The following DPP9 variants were observed in gnomAD, a reference collection of about 807,000 sequenced individuals.
The protein encoded by DPP9 is dipeptidyl peptidase IV-related protein-2.
DPP9 carries 50 observed loss-of-function variants against 110.7 expected under a neutral mutation model. The ratio of observed to expected loss-of-function variants is 0.45; its 90% CI spans 0.36 to 0.57. DPP9 has a LOEUF of 0.57. Among genes scored for constraint, DPP9 ranks in the 20% least tolerant of loss-of-function variants. The pLI is 0.00. For synonymous variants in DPP9, 561 were observed against 514.4 expected (o/e 1.09, Z -1.23); for missense variants, 1,022 against 1,217.9 (o/e 0.84, Z 2.39).
intron 7 of DPP9, among the ~76,000 whole-genome samples, chr19:4,703,463 A>G (rs947099931): frequency 7.7e-6 from 1 of 130,684 alleles, no homozygotes; most frequent in Non-Finnish European, 1.6e-5. Flanking sequence ...CGTCACAACT[A>G]AAAATACAAA....
Position 4,719,883 on chromosome 19 carries a change from G to A in DPP9, c.24C>T (p.Arg8=). MRKVKKL[R]LDKENTGSWR... ...AACTTCCGGTGTTCTCCTTGTCCAG[G>A]CGCAGTTTCTTAACCTTCCGCATTA... The change falls in exon 3 of 22, where the codon CGC becomes CGT. Residue 8 remains arginine (R), a synonymous_variant. Transcript: ENST00000262960. 6.4e-7 allele frequency: 1 copy of A among 1,551,756 alleles called. No homozygotes were observed. The highest frequency in any genetic ancestry group is 2.4e-5 in the East Asian group (1 of 40,910).
intron 9 of DPP9, among the ~76,000 whole-genome samples, chr19:4,701,698 T>C (rs1176224038): frequency 2.6e-5 from 4 of 152,390 alleles, no homozygotes; most frequent in Non-Finnish European, 5.9e-5. Flanking sequence ...CTACGCCCAT[T>C]CCTGCACGTG....
At chr19:4,702,236 C>A in intron 8 of DPP9, 81 bp from the exon 9 acceptor site, 1 of 1,501,100 alleles carries the variant, frequency 6.7e-7, no homozygotes, top group Non-Finnish European at 8.9e-7. Context: ...CCCTGCAGCA[C>A]CGGGGCCTGA....
chr19:4,683,848 G>A, intron 18 of DPP9: 5 of 1,528,180 alleles, frequency 3.3e-6, no homozygotes, highest in Non-Finnish European at 4.4e-6. Context: ...CAGGTGAGTG[G>A]CTCTGGGAGC....
intron 21 of DPP9, 65 bp downstream of exon 21, chr19:4,679,770 C>G: frequency 2.9e-5 from 33 of 1,142,034 alleles, no homozygotes; most frequent in Middle Eastern, 2.7e-4. Context: ...CCCGCCTCGT[C>G]CCACCCCCCA....
rs2090068950 is a variant in DPP9 at position 4,682,662 on chromosome 19, CG to C, written c.2474+33del. ...TGGTGCCGGGGTGCAGGAGAAGCCC[CG>C]GGGAGGAGCGCAGGGCAGGGCAGTG... On this transcript the variant is annotated intron_variant, in intron 20 of 21. Coordinates refer to ENST00000262960, the MANE Select transcript of DPP9 (RefSeq NM_139159.5). This position sits in a 1 kb window ranked among gnomAD's most constrained non-coding sequence, Gnocchi z 7.1. The C allele has an allele frequency of 1.2e-6, 2 of 1,602,552 alleles. No homozygotes were observed. Among genetic ancestry groups the C allele is most frequent in the South Asian group, 2.2e-5 (2 of 88,996 alleles).
intron 21 of DPP9, among the ~76,000 whole-genome samples, chr19:4,679,058 G>A (rs1199914826): frequency 3.4e-5 from 4 of 116,226 alleles, no homozygotes; most frequent in Non-Finnish European, 5.2e-5. Context: ...GCTCCACCCT[G>A]CTTACTGAGG....
Position 4,684,566 on chromosome 19 carries a change from T to A in DPP9, c.2178+97A>T. 1 of 1,426,836 alleles carries A rather than the reference T, an allele frequency of 7.0e-7. No individual in the cohort carries two copies. The highest frequency in any genetic ancestry group is 9.5e-7 in the Non-Finnish European group (1 of 1,052,034). The allele number at this position is 1,426,836 out of a possible 1,614,324, so 88.4% of individuals were successfully genotyped here. On this transcript the variant is annotated intron_variant, in intron 18 of 21. Coordinates refer to ENST00000262960, the MANE Select transcript of DPP9 (RefSeq NM_139159.5). The surrounding 1 kb of genome is among the most constrained non-coding windows in gnomAD (Gnocchi z 4.8). ...CCAGCCAGAAGTGCCCTTCTGCGGG[T>A]GGTATTCCAGAGCCGCTCCCATGCC...
In DPP9 at chr19:4,684,649, G is replaced by A. The variant is rs1428189949; in HGVS notation, c.2178+14C>T. 18 of 1,612,866 alleles carry A rather than the reference G, an allele frequency of 1.1e-5. No individual in the cohort carries two copies. Among genetic ancestry groups the A allele is most frequent in the Non-Finnish European group, 1.5e-5 (18 of 1,179,602 alleles). On this transcript the variant is annotated intron_variant, in intron 18 of 21. Coordinates refer to ENST00000262960, the MANE Select transcript of DPP9 (RefSeq NM_139159.5). This position sits in a 1 kb window ranked among gnomAD's most constrained non-coding sequence, Gnocchi z 4.8. ...AGACCCAAAGGACCCAGAGCAACAG[G>A]GAGGAGTTGTTACCATTTGGTTTTT... is the stretch of plus-strand genomic sequence containing the variant.
In DPP9 at chr19:4,702,189, G is replaced by A. The variant is rs1216555074; in HGVS notation, c.884-34C>T. 1.0e-5 allele frequency: 16 copies of A among 1,587,708 alleles called. No individual in the cohort carries two copies. In the East Asian group the frequency reaches 3.6e-4, roughly 36 times the overall value. On this transcript the variant is annotated intron_variant, in intron 8 of 21. Coordinates refer to ENST00000262960, the MANE Select transcript of DPP9 (RefSeq NM_139159.5). ...GGGTGGTGGAAAAACTGCTGAGGGTGCCAGAGGCAGAGTCCCTGCCATCAG... is the reference window on the plus strand; with the variant it reads ...GGGTGGTGGAAAAACTGCTGAGGGTACCAGAGGCAGAGTCCCTGCCATCAG...
chr19:4,692,021 A>G (rs1487636076), intron 13 of DPP9, among the ~76,000 whole-genome samples: 2 of 151,416 alleles, frequency 1.3e-5, no homozygotes, highest in Admixed American at 6.6e-5. Flanking sequence ...GGGTCTTACT[A>G]TGTTGCCCAG....
chr19:4,702,447 G>A (rs764140338), intron 8 of DPP9, among the ~76,000 whole-genome samples, 156 bp downstream of exon 8: 19 of 152,128 alleles, frequency 1.2e-4, no homozygotes, highest in African/African-American at 3.1e-4. Flanking sequence ...GGGCAACAGC[G>A]ATGTCTACAG....
At chr19:4,716,509 C>T (rs947977090) in intron 3 of DPP9, among the ~76,000 whole-genome samples, 3 of 151,958 alleles carry the variant, frequency 2.0e-5, no homozygotes, top group Non-Finnish European at 2.9e-5. Context: ...TGGTAGCGGG[C>T]GCCTGTAGTC....
rs1382278254 is a variant in DPP9 at position 4,704,347 on chromosome 19, G to C, written c.427-43C>G. On this transcript the variant is annotated intron_variant, in intron 5 of 21. Coordinates refer to ENST00000262960, the MANE Select transcript of DPP9 (RefSeq NM_139159.5). The surrounding 1 kb of genome is among the most constrained non-coding windows in gnomAD (Gnocchi z 6.0). ...ACAGGGGGCAGCGTCAGTGGGCAAA[G>C]AGGATCTCCCGCTGGCCAGGGCAGA... 3 of 1,583,220 alleles carry C rather than the reference G, an allele frequency of 1.9e-6. No individual in the cohort carries two copies. Among genetic ancestry groups the C allele is most frequent in the Non-Finnish European group, 2.6e-6 (3 of 1,163,358 alleles).
chr19:4,683,033 G>A (rs1189326803), intron 19 of DPP9, 195 bp from the exon 20 acceptor site: 2 of 1,518,490 alleles, frequency 1.3e-6, no homozygotes, highest in African/African-American at 2.8e-5. Context: ...GGTGGGCAGG[G>A]CGCCACAGGC....
chr19:4,717,228 G>A (rs1303632252), intron 3 of DPP9, among the ~76,000 whole-genome samples: 4 of 152,172 alleles, frequency 2.6e-5, no homozygotes, highest in African/African-American at 7.2e-5. Flanking sequence ...CGAACCAAAG[G>A]ACATCAGCAC....
At chr19:4,699,132 C>T (rs942748724) in intron 10 of DPP9, among the ~76,000 whole-genome samples, 28 of 137,636 alleles carry the variant, frequency 2.0e-4, no homozygotes, top group Admixed American at 8.1e-5. Flanking sequence ...GCACTCCAGC[C>T]TGGGCGACAG....
intron 9 of DPP9, among the ~76,000 whole-genome samples, chr19:4,701,021 G>A (rs1257812019): frequency 2.0e-5 from 3 of 152,184 alleles, no homozygotes; most frequent in Non-Finnish European, 1.5e-5. Flanking sequence ...CATCTAGCAC[G>A]GCACAGAGCA....
chr19:4,709,236 T>C (rs1309186247), intron 4 of DPP9, among the ~76,000 whole-genome samples: 1 of 152,106 alleles, frequency 6.6e-6, no homozygotes, highest in Non-Finnish European at 1.5e-5. Context: ...GTTTGTTTTT[T>C]TTTTTAAAGA....
Sources: gnomAD v4.1 joint callset for allele counts (sites outside exome capture counted in the v4.1 genomes callset) on GRCh38, gnomAD v4.1.1 for gene constraint, Gnocchi (gnomAD v3.1) non-coding constraint, MANE v1.5 for transcripts, NCBI Gene and HGNC (gene_info 2026-07-23, HGNC 2026-07-21) for gene names.